Variants in VWC2L observed in about 807,000 individuals in gnomAD.
The protein encoded by VWC2L is von Willebrand factor C domain-containing protein 2-like.
A neutral mutation model predicts 21.6 loss-of-function variants in VWC2L; 10 were observed. That is an observed-to-expected ratio of 0.46 (90% CI 0.29 to 0.78). The LOEUF (loss-of-function observed/expected upper bound fraction) is 0.78. Among genes scored for constraint, VWC2L ranks in the 30% least tolerant of loss-of-function variants. The probability of loss-of-function intolerance (pLI) is 0.10; values close to 1 mark genes in which losing one functional copy is unlikely to be tolerated. For synonymous variants in VWC2L, 96 were observed against 94.3 expected (o/e 1.02, Z -0.10); for missense variants, 209 against 277.1 (o/e 0.75, Z 1.74).
At chr2:214,531,658 G>C (rs191033911) in intron 3 of VWC2L, among the ~76,000 whole-genome samples, 20 of 152,212 alleles carry the variant, frequency 1.3e-4, no homozygotes, top group African/African-American at 4.6e-4. Context: ...CAGAGCCAGA[G>C]GTACCGTGGC....
At chr2:214,502,796 A>G (rs1250202802) in intron 3 of VWC2L, among the ~76,000 whole-genome samples, 1 of 152,166 alleles carries the variant, frequency 6.6e-6, no homozygotes, top group Non-Finnish European at 1.5e-5. Context: ...ATATAATGAA[A>G]TTCCTTAACT....
At chr2:214,420,126 T>G (rs1343001506) in intron 2 of VWC2L, among the ~76,000 whole-genome samples, 1 of 152,208 alleles carries the variant, frequency 6.6e-6, no homozygotes, top group Non-Finnish European at 1.5e-5. Flanking sequence ...TAAAAATTGT[T>G]GATGCCAATT....
chr2:214,574,158 A>G (rs1690193985), intron 3 of VWC2L, among the ~76,000 whole-genome samples: 1 of 152,058 alleles, frequency 6.6e-6, no homozygotes, highest in Admixed American at 6.6e-5. Context: ...AATAACAACA[A>G]CAACAAAATG....
At chr2:214,524,310 T>G (rs555943354) in intron 3 of VWC2L, among the ~76,000 whole-genome samples, 2 of 152,318 alleles carry the variant, frequency 1.3e-5, no homozygotes, top group African/African-American at 2.4e-5. Flanking sequence ...AAATATCACC[T>G]TAACACTATG....
At chr2:214,547,040 A>T (rs1689718944) in intron 3 of VWC2L, among the ~76,000 whole-genome samples, 2 of 152,188 alleles carry the variant, frequency 1.3e-5, no homozygotes, top group Non-Finnish European at 2.9e-5. Flanking sequence ...CTTTAGGGAG[A>T]CAGAGAGCAA....
intron 3 of VWC2L, among the ~76,000 whole-genome samples, chr2:214,527,282 CT>C (rs1389719409): frequency 6.6e-6 from 1 of 152,102 alleles, no homozygotes; most frequent in Non-Finnish European, 1.5e-5. Context: ...AGTCAAAACA[CT>C]ATCAGTTACT....
chr2:214,487,755 T>C (rs1407908198), intron 3 of VWC2L, among the ~76,000 whole-genome samples: 1 of 152,162 alleles, frequency 6.6e-6, no homozygotes, highest in African/African-American at 2.4e-5. Context: ...CCCAGGAGAA[T>C]AGCTGGAGGT....
At chr2:214,555,655 C>G (rs1041610494) in intron 3 of VWC2L, among the ~76,000 whole-genome samples, 6 of 152,182 alleles carry the variant, frequency 3.9e-5, no homozygotes, top group Admixed American at 6.5e-5. Context: ...CTCCTGATCG[C>G]TGTTGTCTCT....
At chr2:214,487,376 T>C (rs573212020) in intron 3 of VWC2L, among the ~76,000 whole-genome samples, 13 of 152,310 alleles carry the variant, frequency 8.5e-5, no homozygotes, top group African/African-American at 3.1e-4. Flanking sequence ...CTCTGGTCAG[T>C]TGCTGGGGCT....
chr2:214,499,631 A>G (rs187565566), intron 3 of VWC2L, among the ~76,000 whole-genome samples: 92 of 152,316 alleles, frequency 6.0e-4, no homozygotes, highest in Non-Finnish European at 5.3e-4. Flanking sequence ...GTGCATATGT[A>G]CCTAGAACTT....
intron 3 of VWC2L, among the ~76,000 whole-genome samples, chr2:214,548,671 T>C (rs1689746978): frequency 2.0e-5 from 3 of 152,222 alleles, no homozygotes; most frequent in South Asian, 4.1e-4. Context: ...GCTGTGATAA[T>C]AGCTTGCTTT....
intron 3 of VWC2L, 141 bp downstream of exon 3, chr2:214,436,899 T>A (rs1336599773): frequency 1.3e-5 from 13 of 1,018,082 alleles, no homozygotes; most frequent in Non-Finnish European, 1.7e-5. Context: ...TATATTTTTA[T>A]CCCATCTTAA....
intron 2 of VWC2L, among the ~76,000 whole-genome samples, chr2:214,433,179 TATATTA>T (rs1235342526): frequency 7.2e-6 from 1 of 138,320 alleles, no homozygotes; most frequent in South Asian, 2.2e-4. Flanking sequence ...TATATATATA[TATATTA>T]TATATAAATA....
intron 2 of VWC2L, among the ~76,000 whole-genome samples, chr2:214,426,167 G>A (rs1478765630): frequency 1.3e-4 from 12 of 89,790 alleles, no homozygotes; most frequent in African/African-American, 4.8e-4. Context: ...GTGAGGCTTC[G>A]TCTCAAAAAA....
chr2:214,437,761 C>A (rs1318816163), intron 3 of VWC2L, among the ~76,000 whole-genome samples: 2 of 152,100 alleles, frequency 1.3e-5, no homozygotes, highest in East Asian at 1.9e-4. Context: ...ATAAAGATAT[C>A]TTTTACCTTT....
chr2:214,426,755 T>A (rs1008332050), intron 2 of VWC2L, among the ~76,000 whole-genome samples: 5 of 152,372 alleles, frequency 3.3e-5, no homozygotes, highest in African/African-American at 1.2e-4. Flanking sequence ...ATGAACATTA[T>A]GCAAGTAATG....
At chr2:214,488,465 G>T (rs1574592988) in intron 3 of VWC2L, among the ~76,000 whole-genome samples, 1 of 152,240 alleles carries the variant, frequency 6.6e-6, no homozygotes, top group East Asian at 1.9e-4. Flanking sequence ...CAGCCGTAGT[G>T]GTGTACACAT....
intron 3 of VWC2L, among the ~76,000 whole-genome samples, chr2:214,453,477 G>C (rs899611193): frequency 7.9e-5 from 12 of 152,056 alleles, no homozygotes; most frequent in Non-Finnish European, 7.4e-5. Context: ...CTGAAGTTTA[G>C]AATCAGTTTA....
intron 3 of VWC2L, among the ~76,000 whole-genome samples, chr2:214,450,481 A>T (rs1019850766): frequency 6.6e-6 from 1 of 152,250 alleles, no homozygotes; most frequent in African/African-American, 2.4e-5. Flanking sequence ...GTTACTAAAA[A>T]TTTGAGGGAA....
Sources: allele counts gnomAD v4.1 joint callset (sites outside exome capture counted in the v4.1 genomes callset), GRCh38; gene constraint gnomAD v4.1.1; transcripts MANE v1.5; gene names NCBI Gene and HGNC (gene_info 2026-07-23, HGNC 2026-07-21).